LRRC4C: variants seen among roughly 807,000 people sequenced by gnomAD.
The protein encoded by LRRC4C is leucine-rich repeat-containing protein 4C.
In LRRC4C, 5 loss-of-function variants were observed where a neutral mutation model predicts 33.6. The ratio of observed to expected loss-of-function variants is 0.15; its 90% confidence interval spans 0.08 to 0.31. The LOEUF (loss-of-function observed/expected upper bound fraction) is 0.31. Among genes scored for constraint, LRRC4C ranks in the 10% least tolerant of loss-of-function variants. The probability of loss-of-function intolerance (pLI) is 1.00; values close to 1 mark genes in which losing one functional copy is unlikely to be tolerated. For synonymous variants in LRRC4C, 329 were observed against 302.0 expected (o/e 1.09, Z -0.93); for missense variants, 560 against 796.7 (o/e 0.70, Z 3.58).
At chr11:41,059,057 G>A (rs941391006) in intron 1 of LRRC4C, among the ~76,000 whole-genome samples, 1 of 152,034 alleles carries the variant, frequency 6.6e-6, no homozygotes, top group Admixed American at 6.6e-5. Context: ...CTGACTTGAG[G>A]GTAGAAGTTG....
At chr11:40,156,148 G>A (rs56249042) in intron 5 of LRRC4C, among the ~76,000 whole-genome samples, 193 of 152,132 alleles carry the variant, frequency 1.3e-3, no homozygotes, top group African/African-American at 4.1e-3. Context: ...ACAAAATCTA[G>A]CATTGCTCTA....
intron 1 of LRRC4C, among the ~76,000 whole-genome samples, chr11:41,331,530 C>T (rs1039346395): frequency 6.6e-6 from 1 of 152,132 alleles, no homozygotes; most frequent in Non-Finnish European, 1.5e-5. Flanking sequence ...TAACTTGCCG[C>T]CTCCCTTCAC....
intron 1 of LRRC4C, among the ~76,000 whole-genome samples, chr11:41,178,701 C>CTGTTTGTT (rs896151510): frequency 6.6e-6 from 1 of 151,962 alleles, no homozygotes; most frequent in Non-Finnish European, 1.5e-5. Context: ...ACCCAGGAAT[C>CTGTTTGTT]TGTTTGTTTG....
chr11:41,362,028 A>G (rs2137678285), intron 1 of LRRC4C, among the ~76,000 whole-genome samples: 1 of 152,358 alleles, frequency 6.6e-6, no homozygotes, highest in Middle Eastern at 3.4e-3. Context: ...TTTATTTCTA[A>G]CAGCATTAGT....
intron 1 of LRRC4C, among the ~76,000 whole-genome samples, chr11:41,201,908 A>G (rs902930697): frequency 2.8e-4 from 18 of 64,472 alleles, no homozygotes; most frequent in Admixed American, 1.8e-3. Context: ...ACACACACAC[A>G]TACACACACA....
intron 1 of LRRC4C, among the ~76,000 whole-genome samples, chr11:41,145,783 C>G (rs929182526): frequency 6.6e-6 from 1 of 152,158 alleles, no homozygotes; most frequent in African/African-American, 2.4e-5. Flanking sequence ...TGTGACACTT[C>G]TCTTTCACTA....
At chr11:40,950,309 G>A (rs1958637163) in intron 1 of LRRC4C, among the ~76,000 whole-genome samples, 1 of 151,994 alleles carries the variant, frequency 6.6e-6, no homozygotes, top group Non-Finnish European at 1.5e-5. Context: ...GCAACATGAA[G>A]GAAAAATGAT....
intron 5 of LRRC4C, among the ~76,000 whole-genome samples, chr11:40,194,772 C>CA: frequency 6.6e-6 from 1 of 152,198 alleles, no homozygotes; most frequent in East Asian, 1.9e-4. Flanking sequence ...AGTATAATAA[C>CA]AAAAAATCTA....
intron 1 of LRRC4C, among the ~76,000 whole-genome samples, chr11:41,422,446 A>G (rs938363958): frequency 6.6e-6 from 1 of 152,034 alleles, no homozygotes; most frequent in African/African-American, 2.4e-5. Context: ...TGAGGAAATA[A>G]TTGTGTGCTA....
chr11:40,890,595 G>A (rs919430333), intron 2 of LRRC4C, among the ~76,000 whole-genome samples: 3 of 151,982 alleles, frequency 2.0e-5, no homozygotes, highest in Non-Finnish European at 4.4e-5. Flanking sequence ...TTACTAACTT[G>A]GATCAAAATT....
At chr11:40,880,275 T>C (rs1045879436) in intron 2 of LRRC4C, among the ~76,000 whole-genome samples, 1 of 152,106 alleles carries the variant, frequency 6.6e-6, no homozygotes, top group African/African-American at 2.4e-5. Flanking sequence ...TAGGATTCAA[T>C]TTCACAGAAA....
In LRRC4C at chr11:41,144,757, C is replaced by T. The variant is rs1200831184; in HGVS notation, c.-495-211034G>A. On this transcript the variant is annotated intron_variant, in intron 1 of 6. Coordinates refer to ENST00000528697, the MANE Select transcript of LRRC4C (RefSeq NM_001258419.2). ...TATTTAGTTACTCAATTACCCATTG[C>T]TGCCCACTTAAAGAATTTCTAATTC... 3.3e-5 allele frequency among the ~76,000 whole-genome samples: 5 copies of T among 152,272 alleles called. No homozygotes were observed. The East Asian group carries it at 7.7e-4, about 24-fold the overall frequency.
At chr11:41,400,640 G>A (rs1953990730) in intron 1 of LRRC4C, among the ~76,000 whole-genome samples, 1 of 151,740 alleles carries the variant, frequency 6.6e-6, no homozygotes, top group Non-Finnish European at 1.5e-5. Flanking sequence ...TCTGGATTAA[G>A]GCTACTTTCC....
intron 1 of LRRC4C, among the ~76,000 whole-genome samples, chr11:40,950,859 T>C (rs1451017473): frequency 6.6e-6 from 1 of 151,890 alleles, no homozygotes; most frequent in Admixed American, 6.6e-5. Context: ...TTGATCCTGG[T>C]ATATGTAATT....
chr11:40,936,573 T>C (rs183483367), intron 1 of LRRC4C, among the ~76,000 whole-genome samples: 1 of 151,802 alleles, frequency 6.6e-6, no homozygotes, highest in African/African-American at 2.4e-5. Flanking sequence ...CCTGACCTCA[T>C]GATCCACCCG....
chr11:40,179,116 T>G (rs996146180), intron 5 of LRRC4C, among the ~76,000 whole-genome samples: 9 of 151,866 alleles, frequency 5.9e-5, no homozygotes, highest in Non-Finnish European at 1.5e-5. Context: ...GGGACCTTCT[T>G]GCCTCGTCCT....
chr11:41,030,558 A>C (rs1856662078), intron 1 of LRRC4C, among the ~76,000 whole-genome samples: 1 of 151,830 alleles, frequency 6.6e-6, no homozygotes, highest in South Asian at 2.1e-4. Flanking sequence ...TAAAGTGACA[A>C]TCATAACTCT....
Position 40,907,518 on chromosome 11 carries a change from C to A in LRRC4C, c.-407+26117G>T, listed in dbSNP as rs540598842. Among the ~76,000 whole-genome samples, 18 of 152,272 alleles carry A rather than the reference C, an allele frequency of 1.2e-4. No homozygotes were observed. The South Asian group carries it at 3.5e-3, about 30-fold the overall frequency. ...TTTCCTTTAGTTTAATAAGAAGTTG[C>A]ATATCCTCACATTTAAAGATAATTG... On this transcript the variant is annotated intron_variant, in intron 2 of 6. Transcript: ENST00000528697.
intron 1 of LRRC4C, among the ~76,000 whole-genome samples, chr11:41,085,937 AAAAAAAAAAAAAAAAGAAAG>A (rs1456622147): frequency 1.3e-5 from 2 of 150,120 alleles, no homozygotes; most frequent in African/African-American, 4.9e-5. Context: ...CCAAAAAAAA[AAAAAAAAAAAAAAAAGAAAG>A]AAAAGAAAAA....
Sources: gnomAD v4.1 joint callset for allele counts (sites outside exome capture counted in the v4.1 genomes callset) on GRCh38, gnomAD v4.1.1 for gene constraint, MANE v1.5 for transcripts, NCBI Gene and HGNC (gene_info 2026-07-23, HGNC 2026-07-21) for gene names.